The following LIPH variants were observed in gnomAD, a reference collection of about 807,000 sequenced individuals.
The protein encoded by LIPH is lipase member H.
LIPH carries 32 observed loss-of-function variants against 47.6 expected under a neutral mutation model. The observed-to-expected ratio is 0.67, with a 90% CI of 0.51 to 0.90. The LOEUF (loss-of-function observed/expected upper bound fraction) is 0.90. LIPH is among the 40% of genes least tolerant of loss of function. LIPH has a pLI of 0.00. For missense variants in LIPH, 497 were observed against 541.4 expected, an observed-to-expected ratio of 0.92 and a Z score of 0.81; for synonymous variants, 190 against 195.6, an observed-to-expected ratio of 0.97 and a Z score of 0.24.
chr3:185,548,145 G>A (rs1395308122), intron 1 of LIPH, among the ~76,000 whole-genome samples: 2 of 152,136 alleles, frequency 1.3e-5, no homozygotes, highest in Non-Finnish European at 2.9e-5. Flanking sequence ...AGTGGCTCAA[G>A]CCTGTAATCC....
chr3:185,535,131 G>A lies in LIPH; in HGVS notation c.51C>T (p.Asp17=), dbSNP rs139264479. ...FISLLCLSRS[D]AEETCPSFTR... ...TGAATGAAGGACATGTTTCTTCTGC[G>A]TCTGAAAATAAAAATTAGATGGCAT... Residue 17 remains aspartate (D), a splice_region_variant and synonymous_variant, in exon 2 of 10, where the codon GAC becomes GAT. Coordinates refer to ENST00000296252, the MANE Select transcript of LIPH (RefSeq NM_139248.3). The A allele has an allele frequency of 1.6e-3, 2,660 of 1,613,882 alleles. 29 individuals carry two copies. The highest frequency in any genetic ancestry group is 7.4e-3 in the East Asian group (332 of 44,882).
chr3:185,539,158 G>A (rs1273665503), intron 1 of LIPH, among the ~76,000 whole-genome samples: 5 of 151,638 alleles, frequency 3.3e-5, no homozygotes, highest in South Asian at 2.1e-4. Context: ...TAGTAGAGAC[G>A]GGGTTTCACC....
chr3:185,507,713 TC>T lies in LIPH; in HGVS notation c.*1076del, dbSNP rs1719422087. 6.6e-6 allele frequency: 1 copy of T among 152,214 alleles called. No individual in the cohort carries two copies. The highest frequency in any genetic ancestry group is 2.1e-4 in the South Asian group (1 of 4,832). 9.4% of individuals were successfully genotyped at this position (152,214 alleles called of 1,614,324 possible). A position where few individuals can be genotyped will look rare whatever the true frequency, so the allele number is the denominator to read the frequency against. On this transcript the variant is annotated 3_prime_UTR_variant, in exon 10 of 10. Coordinates refer to ENST00000296252, the MANE Select transcript of LIPH (RefSeq NM_139248.3). ...AAGCAAACCGGTTCATGTTTTGAAT[TC>T]ACGTGTTGGCAAAATAGGTGACAGC...
chr3:185,517,121 C>A lies in LIPH; in HGVS notation c.928G>T (p.Asp310Tyr). 6.2e-7 allele frequency: 1 copy of A among 1,612,610 alleles called. No individual in the cohort carries two copies. Residue 310 changes from aspartate to tyrosine, a missense_variant, in exon 7 of 10, where the codon GAT becomes TAT. By Grantham distance (160) the Asp-to-Tyr change is radical. Coordinates refer to ENST00000296252, the MANE Select transcript of LIPH (RefSeq NM_139248.3). ...AAGAATGCCTTCGTCATTGGAGGAT[C>A]TTTCCCCCTTAGATGGTCTTTCCAA... ...DNWKDHLRGK[D>Y]PPMTKAFFDT... is the part of the protein sequence containing the mutation.
chr3:185,551,080 A>T (rs1340359815), intron 1 of LIPH, among the ~76,000 whole-genome samples: 6 of 152,116 alleles, frequency 3.9e-5, no homozygotes, highest in Admixed American at 3.9e-4. Context: ...AGGCTGAGGC[A>T]GGAGAATCGC....
intron 5 of LIPH, among the ~76,000 whole-genome samples, chr3:185,522,075 T>C (rs986439787): frequency 6.6e-6 from 1 of 152,178 alleles, no homozygotes; most frequent in Non-Finnish European, 1.5e-5. Flanking sequence ...TGGGCCCCTG[T>C]TGACTTCAGT....
chr3:185,528,226 G>A (rs1274357800), intron 3 of LIPH, among the ~76,000 whole-genome samples: 4 of 140,328 alleles, frequency 2.9e-5, no homozygotes, highest in Non-Finnish European at 4.6e-5. Flanking sequence ...GAAAGAAAGA[G>A]AGAGAGAGAG....
chr3:185,548,383 G>GAAA (rs564071594), intron 1 of LIPH, among the ~76,000 whole-genome samples: 6,243 of 148,554 alleles, frequency 0.042, 249 homozygotes, highest in East Asian at 0.24. Flanking sequence ...CCAGCCTGGT[G>GAAA]ACAGAGCGAG....
intron 1 of LIPH, among the ~76,000 whole-genome samples, chr3:185,539,177 C>A (rs1254190162): frequency 6.6e-6 from 1 of 151,652 alleles, no homozygotes; most frequent in Non-Finnish European, 1.5e-5. Context: ...CCATGTTGGC[C>A]AGGATGGTCT....
At chr3:185,528,756 G>T (rs1375063861) in intron 3 of LIPH, among the ~76,000 whole-genome samples, 3 of 152,118 alleles carry the variant, frequency 2.0e-5, no homozygotes, top group Non-Finnish European at 2.9e-5. Context: ...GCCTAAACCG[G>T]TTTCTCACCC....
Position 185,506,328 on chromosome 3 carries a change from C to G in LIPH, c.*2462G>C, listed in dbSNP as rs1043209917. On this transcript the variant is annotated 3_prime_UTR_variant, in exon 10 of 10. Transcript: ENST00000296252. Reference sequence around the variant, plus strand: ...TGAAACTTACTGAAATTCATCTCCTCTCCGGTGAACAAACTTCCTTTCTTT... The same window carrying G: ...TGAAACTTACTGAAATTCATCTCCTGTCCGGTGAACAAACTTCCTTTCTTT... 6.6e-6 allele frequency: 1 copy of G among 152,212 alleles called. No individual in the cohort carries two copies. Among genetic ancestry groups the G allele is most frequent in the African/African-American group, 2.4e-5 (1 of 41,450 alleles). 9.4% of individuals were successfully genotyped at this position (152,212 alleles called of 1,614,324 possible). A position where few individuals can be genotyped will look rare whatever the true frequency, so the allele number is the denominator to read the frequency against.
chr3:185,512,733 C>T (rs963365489), intron 8 of LIPH, among the ~76,000 whole-genome samples: 4 of 151,832 alleles, frequency 2.6e-5, no homozygotes, highest in African/African-American at 7.3e-5. Flanking sequence ...AGGTGATCCG[C>T]CTGCCTCGGC....
chr3:185,538,088 G>A (rs1445422323), intron 1 of LIPH, among the ~76,000 whole-genome samples: 2 of 152,248 alleles, frequency 1.3e-5, no homozygotes, highest in East Asian at 1.9e-4. Context: ...ATTACAGCAT[G>A]AGCCTCCACG....
At position 185,534,841 on chromosome 3, in the gene LIPH, G is replaced by T; in HGVS notation, c.341C>A (p.Thr114Asn). ...ACTAGAGGCATGGGTATATATTAAA[G>T]TTGTAGCTCCTCGATTCCAATCAAC... ...VVVDWNRGAT[T>N]LIYTHASSKT... is the part of the protein sequence containing the mutation. Residue 114 changes from threonine to asparagine, a missense_variant, in exon 2 of 10, where the codon ACT (threonine) becomes AAT (asparagine). Transcript: ENST00000296252. The T allele has an allele frequency of 6.2e-7, 1 of 1,614,070 alleles. No homozygotes were observed. The highest frequency in any genetic ancestry group is 8.5e-7 in the Non-Finnish European group (1 of 1,179,906).
chr3:185,545,893 C>T (rs931352900), intron 1 of LIPH, among the ~76,000 whole-genome samples: 10 of 152,130 alleles, frequency 6.6e-5, no homozygotes, highest in Admixed American at 2.6e-4. Context: ...CAGTGGCTTA[C>T]GCCTGTAATC....
rs1330125663 is a variant in LIPH at position 185,527,269 on chromosome 3, A to G, written c.628+215T>C. On this transcript the variant is annotated intron_variant, in intron 4 of 9. Transcript: ENST00000296252. ...AAATTAAAAAAATAAAAATATGAAG[A>G]GACCGTGGGATAATCATCCACGCTC... 2.0e-5 allele frequency among the ~76,000 whole-genome samples: 3 copies of G among 152,070 alleles called. No individual in the cohort carries two copies. In the East Asian group the frequency reaches 5.8e-4, roughly 30 times the overall value.
intron 9 of LIPH, among the ~76,000 whole-genome samples, chr3:185,510,383 C>T (rs1229308017): frequency 1.3e-5 from 2 of 152,336 alleles, no homozygotes; most frequent in East Asian, 3.9e-4. Flanking sequence ...CATGTCAACA[C>T]AGCTCTGTAC....
intron 1 of LIPH, among the ~76,000 whole-genome samples, chr3:185,538,561 T>C (rs770230218): frequency 3.1e-5 from 4 of 128,914 alleles, no homozygotes; most frequent in Non-Finnish European, 6.8e-5. Context: ...ACGATAATAA[T>C]ACAGTTGGGC....
At chr3:185,521,910 T>C (rs1719907418) in intron 5 of LIPH, among the ~76,000 whole-genome samples, 1 of 152,230 alleles carries the variant, frequency 6.6e-6, no homozygotes, top group Non-Finnish European at 1.5e-5. Flanking sequence ...AATAGATGTA[T>C]TTTTGTGGTT....
Sources: allele counts gnomAD v4.1 joint callset (sites outside exome capture counted in the v4.1 genomes callset), GRCh38; gene constraint gnomAD v4.1.1; transcripts MANE v1.5; gene names NCBI Gene and HGNC (gene_info 2026-07-23, HGNC 2026-07-21).